SLC15A4: variants seen among roughly 807,000 people sequenced by gnomAD.
The protein encoded by SLC15A4 is solute carrier family 15 member 4.
SLC15A4 carries 26 observed loss-of-function variants against 46.1 expected under a neutral mutation model. The observed-to-expected ratio is 0.56, with a 90% CI of 0.41 to 0.78. The LOEUF is 0.78. SLC15A4 is among the 30% of genes least tolerant of loss of function. The pLI, the probability that SLC15A4 is intolerant of heterozygous loss-of-function variation, is 0.00. For missense variants in SLC15A4, 751 were observed against 755.7 expected (o/e 0.99, Z 0.07); for synonymous variants, 370 against 333.4 (o/e 1.11, Z -1.20).
At chr12:128,796,461 CA>C (rs1955445673) in intron 7 of SLC15A4, among the ~76,000 whole-genome samples, 1 of 121,818 alleles carries the variant, frequency 8.2e-6, no homozygotes. Context: ...AAAAAAAACC[CA>C]CACATCTGTA....
intron 7 of SLC15A4, among the ~76,000 whole-genome samples, chr12:128,798,832 A>T (rs1335524297): frequency 6.6e-6 from 1 of 152,244 alleles, no homozygotes; most frequent in Non-Finnish European, 1.5e-5. Context: ...TCTTTTTCGT[A>T]TCAGAAAAGG....
chr12:128,820,630 A>T (rs1955819302), intron 1 of SLC15A4, among the ~76,000 whole-genome samples: 1 of 148,104 alleles, frequency 6.8e-6, no homozygotes, highest in South Asian at 2.2e-4. Flanking sequence ...CCTCATCAGT[A>T]AAATGGGCAC....
At chr12:128,822,541 T>TTTTATTTA (rs889393029) in intron 1 of SLC15A4, among the ~76,000 whole-genome samples, 3 of 152,126 alleles carry the variant, frequency 2.0e-5, no homozygotes, top group African/African-American at 7.2e-5. Context: ...TTCATTTATT[T>TTTTATTTA]TTTATTTATT....
chr12:128,803,380 T>A (rs11059917), intron 5 of SLC15A4, among the ~76,000 whole-genome samples: 87,454 of 151,966 alleles, frequency 0.58, 26,259 homozygotes, highest in Non-Finnish European at 0.68. Flanking sequence ...TTGTTCCTTG[T>A]GTGATGAGCC....
chr12:128,796,032 CT>C (rs1955438491), intron 7 of SLC15A4, among the ~76,000 whole-genome samples: 1 of 152,248 alleles, frequency 6.6e-6, no homozygotes, highest in Non-Finnish European at 1.5e-5. Flanking sequence ...TTCCTTTCTT[CT>C]GAAGACCTTT....
At chr12:128,810,382 C>A in intron 2 of SLC15A4, 1 of 406,544 alleles carries the variant, frequency 2.5e-6, no homozygotes. Context: ...TCTGTGATGA[C>A]AGTGTGAACC....
intron 2 of SLC15A4, among the ~76,000 whole-genome samples, chr12:128,810,691 G>C (rs1029013189): frequency 2.6e-5 from 4 of 152,168 alleles, no homozygotes; most frequent in South Asian, 2.1e-4. Context: ...AGAGCTGTTG[G>C]GGGAGGGCGG....
intron 1 of SLC15A4, 91 bp from the exon 2 acceptor site, chr12:128,815,161 G>A: frequency 2.4e-6 from 3 of 1,239,690 alleles, no homozygotes; most frequent in Non-Finnish European, 3.4e-6. Flanking sequence ...AATTACCGTT[G>A]TCATCACAAC....
intron 7 of SLC15A4, among the ~76,000 whole-genome samples, chr12:128,795,098 A>G (rs1955429397): frequency 6.6e-6 from 1 of 152,152 alleles, no homozygotes; most frequent in Non-Finnish European, 1.5e-5. Context: ...TAACTTGGCT[A>G]TGGAACCTGT....
At chr12:128,815,653 CT>C (rs1955741827) in intron 1 of SLC15A4, 1 of 155,642 alleles carries the variant, frequency 6.4e-6, no homozygotes, top group Non-Finnish European at 1.4e-5. Context: ...GCCACTGTAC[CT>C]GGTTGACAAG....
At chr12:128,818,124 A>AT (rs1955784749) in intron 1 of SLC15A4, among the ~76,000 whole-genome samples, 1 of 152,008 alleles carries the variant, frequency 6.6e-6, no homozygotes, top group African/African-American at 2.4e-5. Context: ...GTAACATAAG[A>AT]TTTTCGTCTT....
Position 128,823,344 on chromosome 12 carries a change from G to T in SLC15A4, c.546+54C>A. 4 of 1,341,302 alleles carry T rather than the reference G, an allele frequency of 3.0e-6. No individual in the cohort carries two copies. In the South Asian group the frequency reaches 5.4e-5, roughly 18 times the overall value. The allele number at this position is 1,341,302 out of a possible 1,614,324, so 83.1% of individuals were successfully genotyped here. A position where few individuals can be genotyped will look rare whatever the true frequency, so the allele number is the denominator to read the frequency against. On this transcript the variant is annotated intron_variant, in intron 1 of 7. Coordinates refer to ENST00000266771, the MANE Select transcript of SLC15A4 (RefSeq NM_145648.4). ...GGGACTGGGGCAGGGGAAGAGGCTG[G>T]GGCTGGGCAGGGGCTGGACAGGGAC...
intron 1 of SLC15A4, among the ~76,000 whole-genome samples, chr12:128,818,211 T>C (rs1949662202): frequency 6.6e-6 from 1 of 151,932 alleles, no homozygotes. Flanking sequence ...TGGGGGAAGA[T>C]ACGGCCTGAC....
In SLC15A4 at chr12:128,808,911, G is replaced by C; in HGVS notation, c.1135C>G (p.Leu379Val). 1 of 1,614,248 alleles carries C rather than the reference G, an allele frequency of 6.2e-7. No individual in the cohort carries two copies. The highest frequency in any genetic ancestry group is 1.1e-5 in the South Asian group (1 of 91,088). Residue 379 changes from leucine (L) to valine (V), a missense_variant, in exon 5 of 8, where the codon CTG (leucine) becomes GTG (valine). Physicochemically the swap from Leu to Val is conservative, Grantham distance 32. Coordinates refer to ENST00000266771, the MANE Select transcript of SLC15A4 (RefSeq NM_145648.4). ...LTMFDAVLILLLIPLKDKLVD... is the reference protein window; with the variant it reads ...LTMFDAVLILVLIPLKDKLVD... ...AGTTTGTCCTTCAGAGGGATGAGCA[G>C]GAGGATGAGCACAGCATCAAACATG...
At chr12:128,808,048 T>C (rs758117681) in intron 5 of SLC15A4, among the ~76,000 whole-genome samples, 3 of 152,376 alleles carry the variant, frequency 2.0e-5, no homozygotes, top group South Asian at 2.1e-4. Flanking sequence ...TATCAACTTT[T>C]ATTATTATGT....
In SLC15A4 at chr12:128,793,812, A is replaced by C; in HGVS notation, c.*384T>G. The C allele has an allele frequency of 6.2e-6, 1 of 160,126 alleles. No individual in the cohort carries two copies. Among genetic ancestry groups the C allele is most frequent in the Non-Finnish European group, 1.3e-5 (1 of 74,470 alleles). 9.9% of individuals were successfully genotyped at this position (160,126 alleles called of 1,614,324 possible). A position where few individuals can be genotyped will look rare whatever the true frequency, so the allele number is the denominator to read the frequency against. ...TTTTTTTTTACAGTGAGATATGGCT[A>C]TGGGAAGCAGGTGATACTATTTGTT... On this transcript the variant is annotated 3_prime_UTR_variant, in exon 8 of 8. Transcript: ENST00000266771.
At chr12:128,807,293 T>C (rs976169360) in intron 5 of SLC15A4, among the ~76,000 whole-genome samples, 1 of 151,960 alleles carries the variant, frequency 6.6e-6, no homozygotes, top group African/African-American at 2.4e-5. Flanking sequence ...CAAACACATA[T>C]CGAAACCACC....
At chr12:128,803,597 G>A (rs1205709579) in intron 5 of SLC15A4, among the ~76,000 whole-genome samples, 1 of 152,100 alleles carries the variant, frequency 6.6e-6, no homozygotes, top group Non-Finnish European at 1.5e-5. Flanking sequence ...ATGACACATA[G>A]TATCCAGACA....
chr12:128,823,524 G>A lies in SLC15A4; in HGVS notation c.420C>T (p.Asn140=), dbSNP rs1222909173. ...CGGCGTCGGGACCAGGCGCCGTGCA[G>A]TTGAGCAGGCGCGCGGAACCGCAGA... ...AALCGSARLL[N]CTAPGPDAAA... is the part of the protein sequence containing the mutation. The change falls in exon 1 of 8, where the codon AAC becomes AAT. Residue 140 remains asparagine, a synonymous_variant. Coordinates refer to ENST00000266771, the MANE Select transcript of SLC15A4 (RefSeq NM_145648.4). 6.8e-7 allele frequency: 1 copy of A among 1,474,594 alleles called. No individual in the cohort carries two copies. Among genetic ancestry groups the A allele is most frequent in the Non-Finnish European group, 8.9e-7 (1 of 1,120,338 alleles). 91.3% of individuals were successfully genotyped at this position (1,474,594 alleles called of 1,614,324 possible). A position where few individuals can be genotyped will look rare whatever the true frequency, so the allele number is the denominator to read the frequency against.
Sources: allele counts gnomAD v4.1 joint callset (sites outside exome capture counted in the v4.1 genomes callset), GRCh38; gene constraint gnomAD v4.1.1; transcripts MANE v1.5; gene names NCBI Gene and HGNC (gene_info 2026-07-23, HGNC 2026-07-21).